The following NINL variants were observed in gnomAD, a reference collection of about 807,000 sequenced individuals.
NINL encodes ninein like.
NINL carries 153 observed loss-of-function variants against 160.3 expected under a neutral mutation model. The ratio of observed to expected loss-of-function variants is 0.95; its 90% confidence interval spans 0.84 to 1.09. The LOEUF (loss-of-function observed/expected upper bound fraction) is 1.09, where lower values mean the gene tolerates loss of function less well. NINL is among the 50% of genes least tolerant of loss of function. The probability of loss-of-function intolerance (pLI) is 0.00; values close to 1 mark genes in which losing one functional copy is unlikely to be tolerated. For synonymous variants in NINL, 800 were observed against 734.8 expected, an observed-to-expected ratio of 1.09 and a Z score of -1.43; for missense variants, 1,829 against 1,764.0, an observed-to-expected ratio of 1.04 and a Z score of -0.66.
chr20:25,474,771 T>TG (rs376966067), intron 17 of NINL, among the ~76,000 whole-genome samples: 106 of 150,232 alleles, frequency 7.1e-4, no homozygotes, highest in African/African-American at 2.5e-3. Flanking sequence ...CATGCCACCA[T>TG]GCCCGGCTAA....
chr20:25,481,764 C>T (rs2063392947), intron 14 of NINL: 2 of 710,074 alleles, frequency 2.8e-6, no homozygotes, highest in Admixed American at 5.3e-5. Context: ...CCTTCCTCCT[C>T]CCTCTGCAGG....
intron 2 of NINL, among the ~76,000 whole-genome samples, chr20:25,523,790 G>A (rs900392716): frequency 5.6e-5 from 8 of 144,080 alleles, no homozygotes; most frequent in East Asian, 2.0e-4. Context: ...TTACAGGTGC[G>A]TGCCACCACG....
chr20:25,513,886 A>C (rs191161124), intron 3 of NINL, among the ~76,000 whole-genome samples: 151 of 152,338 alleles, frequency 9.9e-4, no homozygotes, highest in Admixed American at 6.9e-3. Context: ...ACTGTGAGTC[A>C]ATTAAAACTC....
chr20:25,488,252 G>A (rs763452523), intron 13 of NINL, among the ~76,000 whole-genome samples: 15 of 152,166 alleles, frequency 9.9e-5, no homozygotes, highest in Non-Finnish European at 1.5e-4. Flanking sequence ...GAGGGATGGA[G>A]TCTCGCTCTG....
intron 1 of NINL, among the ~76,000 whole-genome samples, chr20:25,547,446 C>T (rs2064749132): frequency 6.6e-6 from 1 of 152,172 alleles, no homozygotes; most frequent in African/African-American, 2.4e-5. Context: ...TAAAGTCAGT[C>T]GTTCAGATGC....
chr20:25,501,138 C>T, intron 7 of NINL, 128 bp from the exon 8 acceptor site: 1 of 1,227,660 alleles, frequency 8.1e-7, no homozygotes, highest in Non-Finnish European at 1.1e-6. Flanking sequence ...TGAGACCATC[C>T]TCAGCTCTCA....
intron 1 of NINL, among the ~76,000 whole-genome samples, chr20:25,584,261 C>G (rs562205593): frequency 6.6e-6 from 1 of 152,300 alleles, no homozygotes; most frequent in South Asian, 2.1e-4. Context: ...ACCTGAAGGT[C>G]AGAAGTTCGA....
At chr20:25,479,887 G>A (rs568297690) in intron 15 of NINL, among the ~76,000 whole-genome samples, 7 of 152,222 alleles carry the variant, frequency 4.6e-5, no homozygotes, top group Admixed American at 6.5e-5. Context: ...TGGCCACGGC[G>A]CTGCGCTGCC....
At chr20:25,559,746 A>G (rs2064910787) in intron 1 of NINL, among the ~76,000 whole-genome samples, 1 of 151,236 alleles carries the variant, frequency 6.6e-6, no homozygotes, top group South Asian at 2.1e-4. Context: ...GACAACAGGC[A>G]CACACCACCA....
intron 1 of NINL, among the ~76,000 whole-genome samples, chr20:25,560,975 CCTCTCT>C (rs897397239): frequency 1.5e-4 from 22 of 151,294 alleles, no homozygotes; most frequent in South Asian, 6.3e-4. Context: ...TCTCCCTCTC[CCTCTCT>C]CTCTCCCTCC....
chr20:25,537,049 G>A (rs1007813044), intron 1 of NINL, among the ~76,000 whole-genome samples: 2 of 152,114 alleles, frequency 1.3e-5, no homozygotes, highest in Admixed American at 6.5e-5. Context: ...GCAACAGAGC[G>A]GGGTAGTTGA....
chr20:25,473,909 G>T (rs559807964), intron 17 of NINL, among the ~76,000 whole-genome samples: 1 of 152,196 alleles, frequency 6.6e-6, no homozygotes, highest in South Asian at 2.1e-4. Context: ...TAAAAAGAAA[G>T]AAATGCACAC....
intron 1 of NINL, among the ~76,000 whole-genome samples, chr20:25,574,152 C>G (rs559827429): frequency 6.8e-6 from 1 of 147,340 alleles, no homozygotes; most frequent in Non-Finnish European, 1.5e-5. Flanking sequence ...TTCAAAAGTC[C>G]CCTATTTTAA....
At chr20:25,510,863 C>T in intron 4 of NINL, 123 bp from the exon 5 acceptor site, 2 of 754,616 alleles carry the variant, frequency 2.7e-6, no homozygotes, top group Non-Finnish European at 4.4e-6. Flanking sequence ...GAGTCAATCC[C>T]TCAGAGGAAA....
At chr20:25,573,347 T>C (rs1043740997) in intron 1 of NINL, among the ~76,000 whole-genome samples, 1 of 152,118 alleles carries the variant, frequency 6.6e-6, no homozygotes, top group Admixed American at 6.6e-5. Context: ...ATAAAATCTA[T>C]GCTGAAAAAT....
chr20:25,501,113 CACAGGA>C, intron 7 of NINL, 103 bp from the exon 8 acceptor site: 1 of 1,423,930 alleles, frequency 7.0e-7, no homozygotes, highest in Non-Finnish European at 9.4e-7. Flanking sequence ...CAGAGGGCCT[CACAGGA>C]ACAGCTCATG....
chr20:25,522,958 T>A (rs988320142), intron 2 of NINL, among the ~76,000 whole-genome samples: 1 of 152,214 alleles, frequency 6.6e-6, no homozygotes, highest in African/African-American at 2.4e-5. Flanking sequence ...TGTCTCTCAG[T>A]ATCCCTGGGG....
rs2062824691 is a variant in NINL at position 25,462,801 on chromosome 20, C to G, written c.3424-260G>C. On this transcript the variant is annotated intron_variant, in intron 19 of 23. Coordinates refer to ENST00000278886, the MANE Select transcript of NINL (RefSeq NM_025176.6). ...TCCCAAGTAGCTGGGACCACAGGCA[C>G]ACGTCACCACTCCCACCTAGTTTTG... is the stretch of plus-strand genomic sequence containing the variant. 5 of 344,660 alleles carry G rather than the reference C, an allele frequency of 1.5e-5. No individual in the cohort carries two copies. In the South Asian group the frequency reaches 1.6e-4, roughly 11 times the overall value. 21.4% of individuals were successfully genotyped at this position (344,660 alleles called of 1,614,324 possible). A position where few individuals can be genotyped will look rare whatever the true frequency, so the allele number is the denominator to read the frequency against.
At chr20:25,508,296 GCA>G (rs1176439108) in intron 5 of NINL, among the ~76,000 whole-genome samples, 3 of 152,256 alleles carry the variant, frequency 2.0e-5, no homozygotes, top group Non-Finnish European at 4.4e-5. Context: ...CTATGTTTCT[GCA>G]CAGTCAGCCC....
Sources: allele counts gnomAD v4.1 joint callset (sites outside exome capture counted in the v4.1 genomes callset), GRCh38; gene constraint gnomAD v4.1.1; transcripts MANE v1.5; gene names NCBI Gene and HGNC (gene_info 2026-07-23, HGNC 2026-07-21).